Variants in MTR observed in about 807,000 individuals in gnomAD.
MTR encodes methionine synthase.
MTR carries 84 observed loss-of-function variants against 154.8 expected under a neutral mutation model. The ratio of observed to expected loss-of-function variants is 0.54; its 90% CI spans 0.45 to 0.65. The LOEUF is 0.65. Ranked by LOEUF, MTR falls within the 30% of genes least tolerant of loss-of-function variation. The pLI, the probability that MTR is intolerant of heterozygous loss-of-function variation, is 0.00. For synonymous variants in MTR, 554 were observed against 553.9 expected (o/e 1.00, Z 0.00); for missense variants, 1,275 against 1,570.2 (o/e 0.81, Z 3.18).
At chr1:236,846,090 C>G (rs1390775834) in intron 15 of MTR, among the ~76,000 whole-genome samples, 1 of 152,226 alleles carries the variant, frequency 6.6e-6, no homozygotes, top group African/African-American at 2.4e-5. Context: ...CCAGATATGA[C>G]AGGAGGCTGG....
chr1:236,802,373 T>A (rs955938009), intron 1 of MTR, among the ~76,000 whole-genome samples: 2 of 152,080 alleles, frequency 1.3e-5, no homozygotes, highest in Non-Finnish European at 2.9e-5. Context: ...TAGAAGGTCA[T>A]TGGTGACTTT....
chr1:236,877,351 C>T (rs1017429175), intron 24 of MTR, among the ~76,000 whole-genome samples: 1 of 152,222 alleles, frequency 6.6e-6, no homozygotes, highest in African/African-American at 2.4e-5. Flanking sequence ...CATGTAACCA[C>T]CTCCAGATCA....
intron 3 of MTR, among the ~76,000 whole-genome samples, 198 bp downstream of exon 3, chr1:236,806,431 T>C (rs1445784993): frequency 6.6e-6 from 1 of 152,222 alleles, no homozygotes; most frequent in Non-Finnish European, 1.5e-5. Flanking sequence ...AACTGGCTTC[T>C]TTTATGGGCA....
rs16834516 is a variant in MTR at position 236,888,496 on chromosome 1, C to T, written c.2852-685C>T. Among the ~76,000 whole-genome samples, 635 of 152,320 alleles carry T rather than the reference C, an allele frequency of 4.2e-3. 4 individuals carry two copies. Among genetic ancestry groups the T allele is most frequent in the African/African-American group, 0.014 (601 of 41,570 alleles). On this transcript the variant is annotated intron_variant, in intron 27 of 32. Coordinates refer to ENST00000366577, the MANE Select transcript of MTR (RefSeq NM_000254.3). ...ACCCACTAGCCAGCTTAAGACATAA[C>T]CTACCATCTGATTTTTAAAAAACGA... is the stretch of plus-strand genomic sequence containing the variant.
At chr1:236,807,503 G>A (rs1337463145) in intron 3 of MTR, among the ~76,000 whole-genome samples, 1 of 152,104 alleles carries the variant, frequency 6.6e-6, no homozygotes, top group Non-Finnish European at 1.5e-5. Flanking sequence ...CCCACTAACA[G>A]TGAACAAGAG....
intron 22 of MTR, among the ~76,000 whole-genome samples, chr1:236,870,426 A>G (rs1390757085): frequency 6.6e-6 from 1 of 152,172 alleles, no homozygotes; most frequent in African/African-American, 2.4e-5. Flanking sequence ...TTCACTGTCT[A>G]GATGTGTGTT....
intron 25 of MTR, among the ~76,000 whole-genome samples, chr1:236,882,341 G>A (rs1357019226): frequency 6.6e-6 from 1 of 151,978 alleles, no homozygotes; most frequent in African/African-American, 2.4e-5. Context: ...TATAGGCAGG[G>A]GAAAGAATCA....
At chr1:236,813,326 A>G (rs571747752) in intron 6 of MTR, among the ~76,000 whole-genome samples, 2 of 152,212 alleles carry the variant, frequency 1.3e-5, no homozygotes, top group South Asian at 2.1e-4. Context: ...ATAAGTGTAT[A>G]TGGAGAGAGA....
intron 18 of MTR, among the ~76,000 whole-genome samples, chr1:236,854,211 C>G (rs1664072436): frequency 6.6e-6 from 1 of 152,188 alleles, no homozygotes; most frequent in South Asian, 2.1e-4. Context: ...GGTAGTAAGA[C>G]TTAGATTTCT....
intron 24 of MTR, among the ~76,000 whole-genome samples, chr1:236,875,953 A>G (rs1222541930): frequency 6.6e-6 from 1 of 152,214 alleles, no homozygotes; most frequent in Non-Finnish European, 1.5e-5. Context: ...AAGGCAGTCT[A>G]GAGGTGGAAT....
chr1:236,803,277 G>A, intron 1 of MTR, 151 bp from the exon 2 acceptor site: 1 of 771,170 alleles, frequency 1.3e-6, no homozygotes, highest in Non-Finnish European at 2.1e-6. Flanking sequence ...ACCTTTTTGG[G>A]CAGCGTTTTC....
intron 22 of MTR, among the ~76,000 whole-genome samples, chr1:236,863,817 G>T (rs189433739): frequency 1.8e-3 from 280 of 152,312 alleles, no homozygotes; most frequent in Middle Eastern, 3.4e-3. Flanking sequence ...CCGTCCAGAG[G>T]ATTCCTGGGG....
chr1:236,841,893 C>CTTT (rs1178746827), intron 15 of MTR, among the ~76,000 whole-genome samples: 1 of 139,916 alleles, frequency 7.1e-6, no homozygotes, highest in Non-Finnish European at 1.6e-5. Context: ...TATTCTAACT[C>CTTT]TTTTTTTTTT....
chr1:236,890,578 C>G (rs2147937449), intron 28 of MTR, among the ~76,000 whole-genome samples: 1 of 152,300 alleles, frequency 6.6e-6, no homozygotes, highest in East Asian at 1.9e-4. Context: ...TTTACCGAGT[C>G]TGAGTGCATA....
At chr1:236,820,080 T>C in intron 8 of MTR, 2 of 774,078 alleles carry the variant, frequency 2.6e-6, no homozygotes, top group Non-Finnish European at 4.7e-6. Flanking sequence ...TTGCGCTGTG[T>C]AACACAGATT....
At chr1:236,803,331 C>T in intron 1 of MTR, 97 bp from the exon 2 acceptor site, 1 of 1,172,708 alleles carries the variant, frequency 8.5e-7, no homozygotes, top group Admixed American at 2.0e-5. Context: ...TCCATTTACT[C>T]CTTATTGGAG....
At chr1:236,821,392 A>G (rs1489583297) in intron 8 of MTR, among the ~76,000 whole-genome samples, 2 of 152,230 alleles carry the variant, frequency 1.3e-5, no homozygotes, top group African/African-American at 2.4e-5. Context: ...CCACCTTCCA[A>G]CGCTGTTTCA....
chr1:236,817,923 T>C (rs146415939), intron 8 of MTR, among the ~76,000 whole-genome samples: 20 of 152,310 alleles, frequency 1.3e-4, no homozygotes, highest in African/African-American at 4.1e-4. Flanking sequence ...TTCATCTTTA[T>C]TTCTGTAGTG....
In MTR at chr1:236,859,916, T is replaced by C. The variant is rs767067891; in HGVS notation, c.2037T>C (p.Leu679=). The change falls in exon 19 of 33, where the codon CTT becomes CTC. Residue 679 remains leucine, a synonymous_variant. Coordinates refer to ENST00000366577, the MANE Select transcript of MTR (RefSeq NM_000254.3). ...GPVEERLEYA[L]VKGIEKHIIE... The stretch of plus-strand genomic sequence containing the variant: ...TCGAAGAACGCCTTGAGTATGCCCT[T>C]GTGAAGGTAAGTTACAGGGGCCTGA... The C allele has an allele frequency of 3.7e-6, 6 of 1,613,654 alleles. No homozygotes were observed. The South Asian group carries it at 6.6e-5, about 18-fold the overall frequency.
Sources: allele counts gnomAD v4.1 joint callset (sites outside exome capture counted in the v4.1 genomes callset), GRCh38; gene constraint gnomAD v4.1.1; transcripts MANE v1.5; gene names NCBI Gene and HGNC (gene_info 2026-07-23, HGNC 2026-07-21).